The following LY96 variants were observed in gnomAD, a reference collection of about 807,000 sequenced individuals.
The protein encoded by LY96 is myeloid differentiation protein-2.
Under a neutral mutation model 18.9 loss-of-function variants are expected in LY96, and 18 were observed. That is an observed-to-expected ratio of 0.95 (90% CI 0.66 to 1.41). The LOEUF (loss-of-function observed/expected upper bound fraction) is 1.41. LY96 is among the 40% of genes most tolerant of loss of function. The pLI is 0.00. For missense variants in LY96, 175 were observed against 182.4 expected (o/e 0.96, Z 0.23); for synonymous variants, 66 against 62.6 (o/e 1.06, Z -0.26).
chr8:74,094,194 G>A, the LY96 span, among the ~76,000 whole-genome samples: 1 of 152,038 alleles, frequency 6.6e-6, no homozygotes, highest in Admixed American at 6.6e-5. Context: ...AATAAAATGT[G>A]TGGGTTGGCA....
intron 3 of LY96, 117 bp from the exon 4 acceptor site, chr8:74,026,672 C>G (rs2131285442): frequency 1.5e-6 from 1 of 677,322 alleles, no homozygotes; most frequent in Non-Finnish European, 2.8e-6. Flanking sequence ...CATTATTTTT[C>G]TACAGTTTTG....
downstream of LY96, among the ~76,000 whole-genome samples, chr8:74,030,382 A>T (rs1816950098): frequency 6.6e-6 from 1 of 152,146 alleles, no homozygotes; most frequent in African/African-American, 2.4e-5. Flanking sequence ...GCCTGGTGGC[A>T]TGCGCCTGTA....
chr8:74,082,835 G>A, the LY96 span, among the ~76,000 whole-genome samples: 1 of 152,276 alleles, frequency 6.6e-6, no homozygotes, highest in South Asian at 2.1e-4. Context: ...ACTTAGCAAG[G>A]CCTGTTTGTT....
chr8:74,068,997 G>A, the LY96 span, among the ~76,000 whole-genome samples: 1 of 152,110 alleles, frequency 6.6e-6, no homozygotes. Context: ...GTTTCACCAC[G>A]TTGGTCTCAA....
At chr8:74,064,339 A>G in the LY96 span, among the ~76,000 whole-genome samples, 1 of 152,130 alleles carries the variant, frequency 6.6e-6, no homozygotes, top group Non-Finnish European at 1.5e-5. Flanking sequence ...TGTGATCCCC[A>G]GTGTTGGAAG....
intron 1 of LY96, among the ~76,000 whole-genome samples, chr8:74,004,429 C>A (rs1172622505): frequency 6.6e-6 from 1 of 152,158 alleles, no homozygotes; most frequent in Non-Finnish European, 1.5e-5. Flanking sequence ...GGGGTCTCTT[C>A]CTGATTGTAT....
chr8:74,048,481 G>A, the LY96 span, among the ~76,000 whole-genome samples: 2 of 152,116 alleles, frequency 1.3e-5, no homozygotes, highest in Non-Finnish European at 2.9e-5. Context: ...TGGAGGCTCC[G>A]ATGTTGGGAA....
the LY96 span, among the ~76,000 whole-genome samples, chr8:74,083,259 G>A: frequency 6.6e-6 from 1 of 151,890 alleles, no homozygotes; most frequent in Non-Finnish European, 1.5e-5. Context: ...CTGTTGCCCA[G>A]GCTGGAGTGC....
intron 3 of LY96, among the ~76,000 whole-genome samples, chr8:74,012,974 G>A (rs527508904): frequency 2.4e-4 from 37 of 151,578 alleles, no homozygotes; most frequent in Non-Finnish European, 2.9e-4. Context: ...TTTGAGACAA[G>A]ATCTTATCTT....
the LY96 span, among the ~76,000 whole-genome samples, chr8:74,090,635 T>C: frequency 6.6e-6 from 1 of 152,194 alleles, no homozygotes; most frequent in Admixed American, 6.5e-5. Flanking sequence ...ATTTTTAGTA[T>C]GTGGTCAATA....
At chr8:74,050,315 C>T in the LY96 span, among the ~76,000 whole-genome samples, 2 of 151,864 alleles carry the variant, frequency 1.3e-5, no homozygotes, top group Non-Finnish European at 2.9e-5. Context: ...TGTACTTCAG[C>T]CTGGGTAACA....
the LY96 span, among the ~76,000 whole-genome samples, chr8:74,088,956 T>G: frequency 6.6e-6 from 1 of 152,200 alleles, no homozygotes; most frequent in African/African-American, 2.4e-5. Context: ...AGTTACTTCT[T>G]CTCTCTTGGC....
chr8:74,027,778 G>A (rs774713323), intron 4 of LY96, among the ~76,000 whole-genome samples: 38 of 152,300 alleles, frequency 2.5e-4, no homozygotes, highest in Non-Finnish European at 5.1e-4. Context: ...GAAGACACAA[G>A]TGATTAACTT....
At chr8:74,099,137 T>G in the LY96 span, among the ~76,000 whole-genome samples, 2 of 152,224 alleles carry the variant, frequency 1.3e-5, no homozygotes, top group Non-Finnish European at 2.9e-5. Context: ...ATTTACGTGT[T>G]GAAGCCCTAC....
At chr8:74,082,971 T>G in the LY96 span, among the ~76,000 whole-genome samples, 2 of 152,216 alleles carry the variant, frequency 1.3e-5, no homozygotes, top group Admixed American at 1.3e-4. Flanking sequence ...GAGGGAAAGG[T>G]GAGAGAGGAC....
At chr8:74,080,998 C>CT in the LY96 span, among the ~76,000 whole-genome samples, 1 of 115,276 alleles carries the variant, frequency 8.7e-6, no homozygotes, top group African/African-American at 4.9e-5. Flanking sequence ...TTCTTTCTTT[C>CT]TTTCTTTCTT....
At chr8:74,004,276 G>A (rs904438075) in intron 1 of LY96, among the ~76,000 whole-genome samples, 4 of 152,174 alleles carry the variant, frequency 2.6e-5, no homozygotes, top group African/African-American at 9.7e-5. Context: ...TCCCCTGGGT[G>A]GTAGACTGTG....
chr8:74,077,713 A>G, the LY96 span, among the ~76,000 whole-genome samples: 1 of 151,866 alleles, frequency 6.6e-6, no homozygotes, highest in Non-Finnish European at 1.5e-5. Context: ...GAATATTATG[A>G]TATATAAATA....
chr8:74,097,385 T>A, the LY96 span, among the ~76,000 whole-genome samples: 19 of 152,248 alleles, frequency 1.2e-4, no homozygotes, highest in Admixed American at 9.2e-4. Context: ...ACAGTAGTAG[T>A]GTTATTTTGG....
Sources: allele counts gnomAD v4.1 joint callset (sites outside exome capture counted in the v4.1 genomes callset), GRCh38; gene constraint gnomAD v4.1.1; transcripts MANE v1.5; gene names NCBI Gene and HGNC (gene_info 2026-07-23, HGNC 2026-07-21).